GGT5: variants seen among roughly 807,000 people sequenced by gnomAD.
GGT5 encodes the protein glutathione hydrolase 5 proenzyme.
GGT5 carries 50 observed loss-of-function variants against 58.1 expected under a neutral mutation model. The observed-to-expected ratio is 0.86, with a 90% CI of 0.69 to 1.09. GGT5 has a LOEUF of 1.09. GGT5 is among the 50% of genes least tolerant of loss of function. The pLI is 0.00. For synonymous variants in GGT5, 370 were observed against 346.1 expected (o/e 1.07, Z -0.77); for missense variants, 800 against 789.4 (o/e 1.01, Z -0.16).
chr22:24,231,635 C>A, intron 5 of GGT5, 105 bp from the exon 6 acceptor site: 1 of 1,174,000 alleles, frequency 8.5e-7, no homozygotes, highest in Non-Finnish European at 1.2e-6. Flanking sequence ...ATGCTTTTGC[C>A]TTGTGGACAC....
chr22:24,228,750 C>T (rs945729235), intron 6 of GGT5, among the ~76,000 whole-genome samples: 1 of 151,448 alleles, frequency 6.6e-6, no homozygotes, highest in African/African-American at 2.4e-5. Context: ...ATGCCAGGCC[C>T]GAAACAGTTA....
intron 6 of GGT5, among the ~76,000 whole-genome samples, chr22:24,231,175 C>T (rs567662989): frequency 2.0e-5 from 3 of 152,218 alleles, no homozygotes; most frequent in Non-Finnish European, 4.4e-5. Context: ...CAAAGCCTCA[C>T]GTATGGGTCG....
intron 6 of GGT5, among the ~76,000 whole-genome samples, chr22:24,228,071 A>AAAAAAAAAAAAAAAAAC (rs2047827299): frequency 1.1e-5 from 1 of 88,630 alleles, no homozygotes; most frequent in Non-Finnish European, 2.4e-5. Flanking sequence ...AAAAAACAAA[A>AAAAAAAAAAAAAAAAAC]CAAAAAAAAA....
chr22:24,231,342 G>C lies in GGT5; in HGVS notation c.901+42C>G, dbSNP rs767172565. On this transcript the variant is annotated intron_variant, in intron 6 of 11. Transcript: ENST00000327365. ...CTGAGTTCCCGGGGGCCGGGGGTGC[G>C]GGGGAGGGGGTGGGCGCCAGGGCTC... 2.1e-6 allele frequency: 3 copies of C among 1,425,254 alleles called. No individual in the cohort carries two copies. The African/African-American group carries it at 4.2e-5, about 20-fold the overall frequency. 88.3% of individuals were successfully genotyped at this position (1,425,254 alleles called of 1,614,324 possible).
rs1311445310 is a variant in GGT5, at chr22:24,228,067, C to CA, written c.902-1301dup. Among the ~76,000 whole-genome samples the CA allele has an allele frequency of 2.2e-4, 19 of 88,252 alleles. 1 individual carries two copies. Among genetic ancestry groups the CA allele is most frequent in the East Asian group, 6.8e-4 (2 of 2,960 alleles). The allele number at this position is 88,252 out of a possible 152,430, so 57.9% of individuals were successfully genotyped here. A position where few individuals can be genotyped will look rare whatever the true frequency, so the allele number is the denominator to read the frequency against. On this transcript the variant is annotated intron_variant, in intron 6 of 11. Transcript: ENST00000327365. ...CTGTCTCAAAAAAAAAAAAAAAAAA[C>CA]AAAACAAAAAAAAAAAAACTCTGAA...
At chr22:24,223,694 G>A (rs1186351764) in intron 11 of GGT5, among the ~76,000 whole-genome samples, 6 of 151,288 alleles carry the variant, frequency 4.0e-5, no homozygotes, top group South Asian at 2.1e-4. Flanking sequence ...ACTTGAGACC[G>A]AAGAAGTCTC....
chr22:24,223,048 C>T (rs2047647385), intron 11 of GGT5, among the ~76,000 whole-genome samples: 1 of 151,840 alleles, frequency 6.6e-6, no homozygotes, highest in South Asian at 2.1e-4. Context: ...CAAGATCGTG[C>T]CACTGCACGC....
In GGT5 at chr22:24,225,524, G is replaced by A. The variant is rs781195762; in HGVS notation, c.1336+22C>T. On this transcript the variant is annotated intron_variant, in intron 9 of 11. Coordinates refer to ENST00000327365, the MANE Select transcript of GGT5 (RefSeq NM_004121.5). ...CTGGTGGGGGGCCCTTGTGGACCCC[G>A]GGTGGGAAGCTTTGTTCTCACCAGG... is the stretch of plus-strand genomic sequence containing the variant. 1.0e-5 allele frequency: 16 copies of A among 1,586,710 alleles called. 1 individual carries two copies. The highest frequency in any genetic ancestry group is 1.7e-4 in the Middle Eastern group (1 of 6,024).
intron 5 of GGT5, among the ~76,000 whole-genome samples, 193 bp downstream of exon 5, chr22:24,231,858 C>T (rs2047951623): frequency 6.6e-6 from 1 of 152,158 alleles, no homozygotes; most frequent in Non-Finnish European, 1.5e-5. Context: ...CCCTAACCCG[C>T]AGGCTCTGCT....
intron 1 of GGT5, among the ~76,000 whole-genome samples, chr22:24,240,214 T>C (rs1473002339): frequency 6.6e-6 from 1 of 152,100 alleles, no homozygotes. Flanking sequence ...GACTGCACAG[T>C]TAGGAAACTA....
rs779874745 is a variant in GGT5, at chr22:24,225,206, C to A, written c.1503+39G>T. 7.5e-6 allele frequency: 12 copies of A among 1,604,722 alleles called. 1 individual carries two copies. In the Admixed American group the frequency reaches 1.5e-4, roughly 20 times the overall value. On this transcript the variant is annotated intron_variant, in intron 10 of 11. Coordinates refer to ENST00000327365, the MANE Select transcript of GGT5 (RefSeq NM_004121.5). The stretch of plus-strand genomic sequence containing the variant: ...CAGAGACAGTCAGACAGTATGCTGC[C>A]CAGAGAGGAGACACTCGAGCCAGGA...
intron 5 of GGT5, 120 bp downstream of exon 5, chr22:24,231,931 G>T (rs2047954023): frequency 1.2e-6 from 1 of 821,918 alleles, no homozygotes; most frequent in South Asian, 1.6e-5. Flanking sequence ...GCCTCTCGGG[G>T]TCCCGGGCAC....
At chr22:24,225,740 C>A in intron 8 of GGT5, 88 bp from the exon 9 acceptor site, 1 of 802,102 alleles carries the variant, frequency 1.2e-6, no homozygotes, top group African/African-American at 1.7e-5. Flanking sequence ...AGGACCCCCT[C>A]GTTTTACAGC....
In GGT5 at chr22:24,232,996, G is replaced by C; in HGVS notation, c.423C>G (p.Pro141=). The change falls in exon 4 of 12, where the codon CCC becomes CCG. Residue 141 remains proline, a synonymous_variant. Coordinates refer to ENST00000327365, the MANE Select transcript of GGT5 (RefSeq NM_004121.5). ...CCTCGGCATAGCCACGGAGCTCCCCGGGCACCCCGATCCACTGGGCCCCTG... is the reference window on the plus strand; with the variant it reads ...CCTCGGCATAGCCACGGAGCTCCCCCGGCACCCCGATCCACTGGGCCCCTG... The part of the protein sequence containing the change: ...LGTGAQWIGV[P]GELRGYAEAH... 6.5e-7 allele frequency: 1 copy of C among 1,548,592 alleles called. No individual in the cohort carries two copies. The highest frequency in any genetic ancestry group is 8.7e-7 in the Non-Finnish European group (1 of 1,146,786).
chr22:24,237,255 C>T (rs2048125386), intron 1 of GGT5, among the ~76,000 whole-genome samples: 1 of 151,936 alleles, frequency 6.6e-6, no homozygotes, highest in South Asian at 2.1e-4. Flanking sequence ...CCATAATGCC[C>T]CACACGTGGG....
At chr22:24,227,432 A>C (rs893109601) in intron 6 of GGT5, among the ~76,000 whole-genome samples, 2 of 151,998 alleles carry the variant, frequency 1.3e-5, no homozygotes, top group African/African-American at 4.8e-5. Context: ...TTTTTAGTAG[A>C]GATGGTGTTT....
chr22:24,238,433 A>G (rs1222662985), intron 1 of GGT5, among the ~76,000 whole-genome samples: 1 of 150,744 alleles, frequency 6.6e-6, no homozygotes, highest in African/African-American at 2.4e-5. Context: ...TACTTGGGAG[A>G]CTGAGGCAGG....
intron 4 of GGT5, 136 bp from the exon 5 acceptor site, chr22:24,232,344 G>A: frequency 1.8e-6 from 1 of 564,640 alleles, no homozygotes; most frequent in South Asian, 2.2e-5. Context: ...CACTGGGGTG[G>A]ACACCGGGGA....
At chr22:24,237,772 G>A (rs941399656) in intron 1 of GGT5, among the ~76,000 whole-genome samples, 1 of 152,102 alleles carries the variant, frequency 6.6e-6, no homozygotes, top group Non-Finnish European at 1.5e-5. Context: ...AAGGAAATAA[G>A]ACAGCAGGAA....
Sources: gnomAD v4.1 joint callset for allele counts (sites outside exome capture counted in the v4.1 genomes callset) on GRCh38, gnomAD v4.1.1 for gene constraint, MANE v1.5 for transcripts, NCBI Gene and HGNC (gene_info 2026-07-23, HGNC 2026-07-21) for gene names.